Variants in GRIP1 observed in about 807,000 individuals in gnomAD.
GRIP1 encodes glutamate receptor interacting protein 1, also known as glutamate receptor-interacting protein 1.
Under a neutral mutation model 129.9 loss-of-function variants are expected in GRIP1, and 45 were observed. The observed-to-expected ratio is 0.35, with a 90% confidence interval of 0.27 to 0.44. The LOEUF (loss-of-function observed/expected upper bound fraction) is 0.44, where lower values mean the gene tolerates loss of function less well. Ranked by LOEUF, GRIP1 falls within the 20% of genes least tolerant of loss-of-function variation. GRIP1 has a pLI of 1.00. For synonymous variants in GRIP1, 530 were observed against 520.8 expected (o/e 1.02, Z -0.24); for missense variants, 1,196 against 1,396.8 (o/e 0.86, Z 2.29).
intron 1 of GRIP1, among the ~76,000 whole-genome samples, chr12:66,899,580 G>A (rs2040811890): frequency 6.6e-6 from 1 of 151,868 alleles, no homozygotes; most frequent in Non-Finnish European, 1.5e-5. Context: ...GTCCAGGCTG[G>A]TTGAAAACTC....
At chr12:66,723,214 C>CT (rs1319186478) in intron 1 of GRIP1, among the ~76,000 whole-genome samples, 50 of 49,706 alleles carry the variant, frequency 1.0e-3, no homozygotes, top group African/African-American at 5.1e-3. Context: ...TTCTTTCTTT[C>CT]TTTCTTTCTT....
intron 1 of GRIP1, among the ~76,000 whole-genome samples, chr12:66,958,591 C>A (rs1180122557): frequency 1.3e-5 from 2 of 152,152 alleles, no homozygotes; most frequent in Admixed American, 1.3e-4. Context: ...TAGGTATATT[C>A]TACATTTTTG....
chr12:66,352,575 A>G (rs1047226780), intron 24 of GRIP1, among the ~76,000 whole-genome samples: 1 of 152,108 alleles, frequency 6.6e-6, no homozygotes, highest in African/African-American at 2.4e-5. Context: ...TCTACTAAAA[A>G]TACAAAAATT....
chr12:66,792,310 C>G (rs1358816747), intron 1 of GRIP1, among the ~76,000 whole-genome samples: 2 of 152,098 alleles, frequency 1.3e-5, no homozygotes, highest in African/African-American at 4.8e-5. Flanking sequence ...TCACTACAGC[C>G]TTGACCTCCT....
Position 66,418,196 on chromosome 12 carries a change from GTCTCTTCAACAAA to G in GRIP1, c.1838+2511_1838+2523del, listed in dbSNP as rs758221447. Among the ~76,000 whole-genome samples, 6 of 152,096 alleles carry G rather than the reference GTCTCTTCAACAAA, an allele frequency of 3.9e-5. No homozygotes were observed. In the East Asian group the frequency reaches 7.7e-4, roughly 19 times the overall value. On this transcript the variant is annotated intron_variant, in intron 15 of 24. Coordinates refer to ENST00000359742, the MANE Select transcript of GRIP1 (RefSeq NM_001366722.1). ...AGAAACATACATTGGGGAAAAGACA[GTCTCTTCAACAAA>G]TGGTGCTGGGAAAACTGAATATCAA... is the stretch of plus-strand genomic sequence containing the variant.
intron 1 of GRIP1, among the ~76,000 whole-genome samples, chr12:66,668,659 C>T (rs2033919764): frequency 6.6e-6 from 1 of 152,190 alleles, no homozygotes; most frequent in Non-Finnish European, 1.5e-5. Context: ...GAATAGCTCA[C>T]ACCTGTAATC....
At chr12:66,776,253 G>T (rs192031088) in intron 1 of GRIP1, among the ~76,000 whole-genome samples, 2 of 152,098 alleles carry the variant, frequency 1.3e-5, no homozygotes, top group Non-Finnish European at 2.9e-5. Context: ...ACCTACATAG[G>T]TATCCAATTC....
chr12:66,969,615 C>T (rs760593788), intron 1 of GRIP1, among the ~76,000 whole-genome samples: 4 of 152,120 alleles, frequency 2.6e-5, no homozygotes, highest in Non-Finnish European at 5.9e-5. Flanking sequence ...CAGGGTCTCA[C>T]TATGTTGCCC....
At chr12:67,067,383 G>A (rs2043647718) in intron 1 of GRIP1, among the ~76,000 whole-genome samples, 1 of 152,024 alleles carries the variant, frequency 6.6e-6, no homozygotes, top group Non-Finnish European at 1.5e-5. Context: ...TTAATGCCAA[G>A]TACATTGTGA....
At chr12:66,650,287 G>A (rs1000017688) in intron 1 of GRIP1, among the ~76,000 whole-genome samples, 1 of 152,080 alleles carries the variant, frequency 6.6e-6, no homozygotes, top group Non-Finnish European at 1.5e-5. Flanking sequence ...CTGTATCTCA[G>A]GCTGCTTGGG....
chr12:66,965,731 A>C (rs12809436), intron 1 of GRIP1, among the ~76,000 whole-genome samples: 32,290 of 151,818 alleles, frequency 0.21, 4,046 homozygotes, highest in East Asian at 0.29. Flanking sequence ...TGCCCTTTAC[A>C]CATCTCCTCA....
chr12:67,037,417 C>G (rs1459581162), intron 1 of GRIP1: 4 of 150,860 alleles, frequency 2.7e-5, no homozygotes, highest in African/African-American at 9.7e-5. Flanking sequence ...AATCAGAAGC[C>G]AATTCTTGAA....
At chr12:66,837,179 T>C (rs1267253323) in intron 1 of GRIP1, among the ~76,000 whole-genome samples, 1 of 152,234 alleles carries the variant, frequency 6.6e-6, no homozygotes, top group Admixed American at 6.5e-5. Context: ...TTAACTCACC[T>C]TTACTGAGTA....
At chr12:66,859,275 ACAAAAAAACAAAAAAAC>A (rs2040064423) in intron 1 of GRIP1, among the ~76,000 whole-genome samples, 8 of 21,288 alleles carry the variant, frequency 3.8e-4, no homozygotes, top group Non-Finnish European at 4.9e-4. Flanking sequence ...AAACAAAAAA[ACAAAAAAACAAAAAAAC>A]AAAAAAACAA....
chr12:66,406,465 G>A (rs761969628), intron 15 of GRIP1, 37 bp from the exon 16 acceptor site: 98 of 1,605,482 alleles, frequency 6.1e-5, no homozygotes, highest in Non-Finnish European at 8.3e-5. Context: ...GACTAATGAT[G>A]AGCACTTAAC....
At chr12:66,351,556 GTTTT>G (rs72111092) in intron 24 of GRIP1, among the ~76,000 whole-genome samples, 1 of 49,424 alleles carries the variant, frequency 2.0e-5, no homozygotes. Context: ...CAGGAAGGTG[GTTTT>G]TTTTTTTTTT....
chr12:66,599,131 C>T (rs1359855702), intron 1 of GRIP1, among the ~76,000 whole-genome samples: 1 of 152,162 alleles, frequency 6.6e-6, no homozygotes, highest in Non-Finnish European at 1.5e-5. Flanking sequence ...CCTGGCCAGC[C>T]TCTCCATCAC....
intron 7 of GRIP1, among the ~76,000 whole-genome samples, chr12:66,501,994 T>C (rs1167070349): frequency 1.3e-5 from 2 of 152,188 alleles, no homozygotes; most frequent in East Asian, 1.9e-4. Flanking sequence ...CAACTTTCCT[T>C]CTTAGATAGT....
intron 1 of GRIP1, among the ~76,000 whole-genome samples, chr12:66,986,602 C>G (rs1287089595): frequency 6.8e-6 from 1 of 147,902 alleles, no homozygotes; most frequent in Non-Finnish European, 1.5e-5. Flanking sequence ...ACCGCATGTT[C>G]TCACTCATAG....
Sources: allele counts gnomAD v4.1 joint callset (sites outside exome capture counted in the v4.1 genomes callset), GRCh38; gene constraint gnomAD v4.1.1; transcripts MANE v1.5; gene names NCBI Gene and HGNC (gene_info 2026-07-23, HGNC 2026-07-21).